Variants in PAPPA observed in about 807,000 individuals in gnomAD.
PAPPA encodes pappalysin 1.
In PAPPA, 60 loss-of-function variants were observed where a neutral mutation model predicts 164.0. The observed-to-expected ratio is 0.37, with a 90% CI of 0.30 to 0.45. The LOEUF (loss-of-function observed/expected upper bound fraction) is 0.45, where lower values mean the gene tolerates loss of function less well. PAPPA is among the 20% of genes least tolerant of loss of function. The pLI is 1.00. For missense variants in PAPPA, 1,782 were observed against 2,087.3 expected, an observed-to-expected ratio of 0.85 and a Z score of 2.85; for synonymous variants, 875 against 814.1, an observed-to-expected ratio of 1.07 and a Z score of -1.27.
intron 9 of PAPPA, among the ~76,000 whole-genome samples, chr9:116,289,121 CATATATAT>C (rs200604980): frequency 0.026 from 455 of 17,648 alleles, 3 homozygotes; most frequent in Middle Eastern, 0.094. Context: ...TATGCATATA[CATATATAT>C]ATATATATAT....
Position 116,187,219 on chromosome 9 carries a change from A to C in PAPPA, c.481A>C (p.Ser161Arg). 1 of 1,614,202 alleles carries C rather than the reference A, an allele frequency of 6.2e-7. No homozygotes were observed. The highest frequency in any genetic ancestry group is 8.5e-7 in the Non-Finnish European group (1 of 1,180,042). ...ATGGGTCGTGGGCATTCACACCATC[A>C]GTGACCAAGACAACAAAGACCCACG... ...RGWVVGIHTI[S>R]DQDNKDPRYF... The change falls in exon 2 of 22, where the codon AGT becomes CGT. Residue 161 changes from serine (S) to arginine (R), a missense_variant. By Grantham distance (110) the Ser-to-Arg change is moderately radical (BLOSUM62 -1). Transcript: ENST00000328252. The surrounding 1 kb of genome is among the most constrained non-coding windows in gnomAD (Gnocchi z 4.2).
At chr9:116,312,288 C>CTTTTTTTTTTTTTTTTTTCT (rs5900201) in intron 10 of PAPPA, among the ~76,000 whole-genome samples, 2 of 129,638 alleles carry the variant, frequency 1.5e-5, no homozygotes, top group African/African-American at 2.9e-5. Flanking sequence ...TTCTTTCTTT[C>CTTTTTTTTTTTTTTTTTTCT]TTTTTTTTTT....
intron 17 of PAPPA, among the ~76,000 whole-genome samples, chr9:116,356,601 AT>A (rs1234928424): frequency 3.9e-5 from 6 of 152,230 alleles, no homozygotes; most frequent in Non-Finnish European, 8.8e-5. Context: ...AGCACCATTT[AT>A]TAAATAGGGA....
At chr9:116,317,527 G>A (rs950287347) in intron 10 of PAPPA, among the ~76,000 whole-genome samples, 1 of 152,218 alleles carries the variant, frequency 6.6e-6, no homozygotes. Context: ...TTGGATTAAA[G>A]CTAAGTAGAT....
rs746673762 is a variant in PAPPA at position 116,352,789 on chromosome 9, C to G, written c.4048C>G (p.Pro1350Ala). 3.1e-6 allele frequency: 5 copies of G among 1,613,844 alleles called. No homozygotes were observed. Among genetic ancestry groups the G allele is most frequent in the Non-Finnish European group, 4.2e-6 (5 of 1,179,958 alleles). ...GTGTGAGCTCATGTGCCTCGCTCCA[C>G]CCCCTGTGCCCAATGCAGACCTCCA... ...ALCELMCLAP[P>A]PVPNADLQTA... Residue 1350 changes from proline to alanine, a missense_variant, in exon 16 of 22, where the codon CCC (proline) becomes GCC (alanine). Transcript: ENST00000328252.
chr9:116,303,599 C>T (rs1399257794), intron 10 of PAPPA, among the ~76,000 whole-genome samples: 2 of 152,142 alleles, frequency 1.3e-5, no homozygotes, highest in African/African-American at 4.8e-5. Context: ...GCCCCCTTTC[C>T]AATTATCCTA....
rs1181206992 is a variant in PAPPA at position 116,335,037 on chromosome 9, T to A, written c.3574T>A (p.Cys1192Ser). 1 of 1,613,606 alleles carries A rather than the reference T, an allele frequency of 6.2e-7. No individual in the cohort carries two copies. The highest frequency in any genetic ancestry group is 8.5e-7 in the Non-Finnish European group (1 of 1,179,942). ...CTTTGACCCCGTCACCCTGAGCAGCTGCCAGAGAGGGGAGACCTACAGCCC... is the reference window on the plus strand; with the variant it reads ...CTTTGACCCCGTCACCCTGAGCAGCAGCCAGAGAGGGGAGACCTACAGCCC... ...DNFDPVTLSS[C>S]QRGETYSPAE... Residue 1192 changes from cysteine to serine, a missense_variant, in exon 13 of 22, where the codon TGC (cysteine) becomes AGC (serine). Physicochemically the swap from Cys to Ser is moderately radical, Grantham distance 112. Transcript: ENST00000328252.
intron 2 of PAPPA, among the ~76,000 whole-genome samples, chr9:116,193,237 G>T (rs1338169348): frequency 6.6e-6 from 1 of 151,944 alleles, no homozygotes; most frequent in East Asian, 1.9e-4. Flanking sequence ...CTCACAAAAG[G>T]GGCTGCGATA....
intron 7 of PAPPA, among the ~76,000 whole-genome samples, chr9:116,237,621 C>G (rs1469576549): frequency 6.6e-6 from 1 of 152,182 alleles, no homozygotes; most frequent in African/African-American, 2.4e-5. Flanking sequence ...AAATCACTAA[C>G]TGGCTCTACC....
chr9:116,165,374 C>G (rs1843709387), intron 1 of PAPPA, among the ~76,000 whole-genome samples: 1 of 152,312 alleles, frequency 6.6e-6, no homozygotes, highest in Non-Finnish European at 1.5e-5. Context: ...CTCCAAAATT[C>G]CTTGCATCCT....
chr9:116,357,147 T>A (rs1241499907), intron 17 of PAPPA, among the ~76,000 whole-genome samples: 1 of 152,136 alleles, frequency 6.6e-6, no homozygotes, highest in Non-Finnish European at 1.5e-5. Context: ...ATGATAAAAA[T>A]ATTCATATCT....
At chr9:116,361,141 C>G (rs1399883196) in intron 17 of PAPPA, among the ~76,000 whole-genome samples, 1 of 152,146 alleles carries the variant, frequency 6.6e-6, no homozygotes, top group African/African-American at 2.4e-5. Context: ...AGAATTAAGG[C>G]TGGGAGGGCT....
chr9:116,245,245 C>G (rs927493070), intron 7 of PAPPA, among the ~76,000 whole-genome samples: 1 of 152,066 alleles, frequency 6.6e-6, no homozygotes, highest in African/African-American at 2.4e-5. Context: ...CCCCCAAACC[C>G]TGAATTCACT....
chr9:116,331,648 T>C (rs967416586), intron 11 of PAPPA, among the ~76,000 whole-genome samples: 1 of 152,198 alleles, frequency 6.6e-6, no homozygotes, highest in East Asian at 1.9e-4. Context: ...CCTTGAGCCT[T>C]TTACTGATCA....
chr9:116,154,253 G>T lies in PAPPA; in HGVS notation c.81G>T (p.Arg27=). ...GCGGGCTGGCCGAGCGTCCCCGCCG[G>T]GCCCGGAGAGACCCGCGGGCCGGCC... is the stretch of plus-strand genomic sequence containing the variant. The part of the protein sequence containing the change: ...LGCGLAERPR[R]ARRDPRAGRP... The change falls in exon 1 of 22, where the codon CGG becomes CGT. Residue 27 remains arginine, a synonymous_variant. Transcript: ENST00000328252. The surrounding 1 kb of genome is among the most constrained non-coding windows in gnomAD (Gnocchi z 5.2). The T allele has an allele frequency of 7.9e-7, 1 of 1,264,938 alleles. No individual in the cohort carries two copies. Among genetic ancestry groups the T allele is most frequent in the Non-Finnish European group, 1.0e-6 (1 of 998,380 alleles). 78.4% of individuals were successfully genotyped at this position (1,264,938 alleles called of 1,614,324 possible).
intron 7 of PAPPA, among the ~76,000 whole-genome samples, chr9:116,250,864 A>G (rs1295547960): frequency 6.6e-6 from 1 of 152,180 alleles, no homozygotes; most frequent in Non-Finnish European, 1.5e-5. Flanking sequence ...AGAGTGTTGG[A>G]CATTGGCCAG....
intron 10 of PAPPA, among the ~76,000 whole-genome samples, chr9:116,325,597 G>A (rs574758547): frequency 5.3e-5 from 8 of 152,112 alleles, no homozygotes; most frequent in Non-Finnish European, 1.2e-4. Context: ...GTGGACAAGG[G>A]GTCACTTGCC....
chr9:116,234,225 C>T (rs1251346818), intron 6 of PAPPA, among the ~76,000 whole-genome samples: 1 of 152,106 alleles, frequency 6.6e-6, no homozygotes, highest in Non-Finnish European at 1.5e-5. Context: ...GAGAAAAATT[C>T]AGAAGTCGCT....
At position 116,219,943 on chromosome 9, in the gene PAPPA, A is replaced by T. The variant is rs935828736; in HGVS notation, c.1925A>T (p.Asp642Val). ...YNNFMSYADD[D>V]CTDSFTPNQV... Reference sequence around the variant, plus strand: ...TCCCTCTGCCTGCTTGCAGATGACGACTGTACGGACTCCTTCACGCCCAAT... The same window carrying T: ...TCCCTCTGCCTGCTTGCAGATGACGTCTGTACGGACTCCTTCACGCCCAAT... The change falls in exon 5 of 22, where the codon GAC becomes GTC. Residue 642 changes from aspartate (D) to valine (V), a missense_variant. Asp to Val is a radical substitution (Grantham distance 152). Coordinates refer to ENST00000328252, the MANE Select transcript of PAPPA (RefSeq NM_002581.5). 6.2e-6 allele frequency: 10 copies of T among 1,611,006 alleles called. No homozygotes were observed. Among genetic ancestry groups the T allele is most frequent in the African/African-American group, 1.3e-5 (1 of 74,874 alleles).
Sources: gnomAD v4.1 joint callset for allele counts (sites outside exome capture counted in the v4.1 genomes callset) on GRCh38, gnomAD v4.1.1 for gene constraint, Gnocchi (gnomAD v3.1) non-coding constraint, MANE v1.5 for transcripts, NCBI Gene and HGNC (gene_info 2026-07-23, HGNC 2026-07-21) for gene names.